Variants in CCSER1 observed in about 807,000 individuals in gnomAD.
CCSER1 encodes coiled-coil serine rich protein 1.
CCSER1 carries 41 observed loss-of-function variants against 82.0 expected under a neutral mutation model. That is an observed-to-expected ratio of 0.50 (90% CI 0.39 to 0.65). The LOEUF is 0.65. Among genes scored for constraint, CCSER1 ranks in the 30% least tolerant of loss-of-function variants. CCSER1 has a pLI of 0.00. For synonymous variants in CCSER1, 414 were observed against 383.9 expected, an observed-to-expected ratio of 1.08 and a Z score of -0.92; for missense variants, 1,119 against 1,064.2, an observed-to-expected ratio of 1.05 and a Z score of -0.72.
In CCSER1 at chr4:90,468,229, AAC is replaced by A; in HGVS notation, c.1604-3_1604-2del. On this transcript the variant is annotated splice_region_variant and splice_polypyrimidine_tract_variant and intron_variant, in intron 4 of 10. Transcript: ENST00000509176. The stretch of plus-strand genomic sequence containing the variant: ...CATTTACAATTCCTCGGTTTTTTTG[AAC>A]AGTTTGCCGGGAGGACTCATATCAC... 6.3e-7 allele frequency: 1 copy of A among 1,583,158 alleles called. No homozygotes were observed. The highest frequency in any genetic ancestry group is 8.6e-7 in the Non-Finnish European group (1 of 1,164,374).
At chr4:91,524,378 T>C (rs1240854023) in intron 10 of CCSER1, among the ~76,000 whole-genome samples, 3 of 152,108 alleles carry the variant, frequency 2.0e-5, no homozygotes, top group Non-Finnish European at 4.4e-5. Flanking sequence ...TTCTTTTGAA[T>C]AAAAAGGAAA....
chr4:91,110,906 A>T (rs1182629599), intron 10 of CCSER1, among the ~76,000 whole-genome samples: 2 of 151,960 alleles, frequency 1.3e-5, no homozygotes, highest in African/African-American at 2.4e-5. Flanking sequence ...TAAATAGAGC[A>T]GTAAAAGTTG....
intron 5 of CCSER1, among the ~76,000 whole-genome samples, chr4:90,511,803 T>G (rs796613291): frequency 6.6e-6 from 1 of 152,120 alleles, no homozygotes; most frequent in Non-Finnish European, 1.5e-5. Context: ...ATTTCTCAAA[T>G]AGGTATAAGG....
chr4:91,104,346 T>G (rs1195434026), intron 10 of CCSER1, among the ~76,000 whole-genome samples: 1 of 152,312 alleles, frequency 6.6e-6, no homozygotes, highest in African/African-American at 2.4e-5. Flanking sequence ...TTTCAAACCC[T>G]TAATAAAAAC....
At chr4:91,232,695 C>A (rs1003073585) in intron 10 of CCSER1, among the ~76,000 whole-genome samples, 15 of 151,292 alleles carry the variant, frequency 9.9e-5, no homozygotes, top group African/African-American at 3.4e-4. Context: ...TTACTTAGAA[C>A]CCAAATAAAA....
intron 5 of CCSER1, among the ~76,000 whole-genome samples, chr4:90,622,923 C>G (rs974029158): frequency 3.3e-5 from 5 of 152,046 alleles, no homozygotes; most frequent in African/African-American, 1.2e-4. Context: ...TCCTCTCCAG[C>G]ACCTGTTGTT....
intron 3 of CCSER1, among the ~76,000 whole-genome samples, chr4:90,328,579 T>C (rs988025320): frequency 6.6e-6 from 1 of 152,196 alleles, no homozygotes; most frequent in African/African-American, 2.4e-5. Context: ...TTTTTCCAAA[T>C]TGAAAGCAGC....
At chr4:90,783,886 A>G (rs1754133056) in intron 7 of CCSER1, among the ~76,000 whole-genome samples, 2 of 152,178 alleles carry the variant, frequency 1.3e-5, no homozygotes, top group African/African-American at 2.4e-5. Flanking sequence ...TTCCCTCCCC[A>G]ACTTTTTAAC....
chr4:91,211,045 A>G (rs988655082), intron 10 of CCSER1, among the ~76,000 whole-genome samples: 1 of 152,044 alleles, frequency 6.6e-6, no homozygotes, highest in African/African-American at 2.4e-5. Context: ...TGAATAAAAA[A>G]CAAATTATAT....
intron 10 of CCSER1, among the ~76,000 whole-genome samples, chr4:91,450,117 T>TG: frequency 6.8e-6 from 1 of 147,852 alleles, no homozygotes; most frequent in South Asian, 2.2e-4. Flanking sequence ...GGCTGGAGAT[T>TG]TGTTTTTATA....
intron 9 of CCSER1, among the ~76,000 whole-genome samples, chr4:91,018,515 A>G (rs759556567): frequency 6.6e-5 from 10 of 152,122 alleles, no homozygotes; most frequent in Non-Finnish European, 1.5e-4. Flanking sequence ...ATATTTGGCC[A>G]TATTATTCCC....
chr4:91,242,857 G>A (rs555483419), intron 10 of CCSER1, among the ~76,000 whole-genome samples: 2 of 152,262 alleles, frequency 1.3e-5, no homozygotes, highest in South Asian at 4.1e-4. Flanking sequence ...CAAGACGGTG[G>A]AATAGAAGCC....
intron 1 of CCSER1, among the ~76,000 whole-genome samples, chr4:90,264,674 A>C (rs904059436): frequency 8.1e-6 from 1 of 123,006 alleles, no homozygotes; most frequent in Non-Finnish European, 1.7e-5. Context: ...GTGTCTACAT[A>C]GCTGTCTAAT....
chr4:90,266,530 G>A (rs367797974), intron 1 of CCSER1, among the ~76,000 whole-genome samples: 3 of 151,918 alleles, frequency 2.0e-5, no homozygotes, highest in African/African-American at 4.8e-5. Context: ...ATCCTAGTAC[G>A]TGGTTTTAAC....
At chr4:90,362,585 T>G (rs1312025332) in intron 3 of CCSER1, among the ~76,000 whole-genome samples, 1 of 152,212 alleles carries the variant, frequency 6.6e-6, no homozygotes, top group East Asian at 1.9e-4. Flanking sequence ...ATTGGAATAT[T>G]AGAATGGGAC....
intron 10 of CCSER1, among the ~76,000 whole-genome samples, chr4:91,182,827 C>T (rs1287928951): frequency 6.6e-6 from 1 of 152,166 alleles, no homozygotes; most frequent in Admixed American, 6.5e-5. Flanking sequence ...GTGTGACATC[C>T]ATTTGCCAAA....
Position 90,136,156 on chromosome 4 carries a change from G to T in CCSER1, c.-42+8325G>T, listed in dbSNP as rs368464630. 2.6e-5 allele frequency among the ~76,000 whole-genome samples: 4 copies of T among 152,100 alleles called. No homozygotes were observed. In the East Asian group the frequency reaches 5.8e-4, roughly 22 times the overall value. On this transcript the variant is annotated intron_variant, in intron 1 of 10. Coordinates refer to ENST00000509176, the MANE Select transcript of CCSER1 (RefSeq NM_001145065.2). ...TAAGTTTTCTTCTCTAATTTCTCCA[G>T]TTCATTAGTGAAATTTAGTACTGCT...
intron 10 of CCSER1, among the ~76,000 whole-genome samples, chr4:91,176,756 C>T (rs973879639): frequency 6.6e-6 from 1 of 152,108 alleles, no homozygotes; most frequent in Non-Finnish European, 1.5e-5. Flanking sequence ...ACAATCATAT[C>T]ATCTGCAAAC....
intron 1 of CCSER1, among the ~76,000 whole-genome samples, chr4:90,163,828 T>C (rs1231789491): frequency 2.0e-5 from 3 of 152,106 alleles, no homozygotes; most frequent in African/African-American, 7.2e-5. Context: ...CTTTCTAGAT[T>C]TGTAGTAATA....
Sources: allele counts gnomAD v4.1 joint callset (sites outside exome capture counted in the v4.1 genomes callset), GRCh38; gene constraint gnomAD v4.1.1; transcripts MANE v1.5; gene names NCBI Gene and HGNC (gene_info 2026-07-23, HGNC 2026-07-21).